Variants in SCAPER observed in about 807,000 individuals in gnomAD.
SCAPER encodes the protein S-phase cyclin A associated protein in the ER.
A neutral mutation model predicts 182.2 loss-of-function variants in SCAPER; 98 were observed. That is an observed-to-expected ratio of 0.54 (90% confidence interval 0.46 to 0.64). The LOEUF is 0.64. SCAPER is among the 30% of genes least tolerant of loss of function. SCAPER has a pLI of 0.00. For synonymous variants in SCAPER, 605 were observed against 564.6 expected, an observed-to-expected ratio of 1.07 and a Z score of -1.01; for missense variants, 1,432 against 1,690.0, an observed-to-expected ratio of 0.85 and a Z score of 2.68.
chr15:76,704,438 G>A (rs1389028178), intron 18 of SCAPER, among the ~76,000 whole-genome samples: 1 of 152,144 alleles, frequency 6.6e-6, no homozygotes, highest in African/African-American at 2.4e-5. Flanking sequence ...TTTTCTTCTA[G>A]GGTTTTTACC....
chr15:76,871,880 C>G lies in SCAPER; in HGVS notation c.7-9347G>C, dbSNP rs75359551. On this transcript the variant is annotated intron_variant, in intron 2 of 31. Coordinates refer to ENST00000563290, the MANE Select transcript of SCAPER (RefSeq NM_020843.4). ...TGCTAGGATTACAGGTGTGAGCCAC[C>G]ACGCCTGGCACAATTTGCATTTTTA... Among the ~76,000 whole-genome samples, 60 of 152,162 alleles carry G rather than the reference C, an allele frequency of 3.9e-4. No individual in the cohort carries two copies. In the East Asian group the frequency reaches 9.1e-3, roughly 23 times the overall value.
At chr15:76,392,836 C>T (rs1242483482) in intron 27 of SCAPER, among the ~76,000 whole-genome samples, 1 of 152,196 alleles carries the variant, frequency 6.6e-6, no homozygotes, top group Non-Finnish European at 1.5e-5. Flanking sequence ...CCTGCCTTCT[C>T]AGTCTCCTAG....
At chr15:76,400,576 A>T (rs2044388307) in intron 27 of SCAPER, among the ~76,000 whole-genome samples, 1 of 152,200 alleles carries the variant, frequency 6.6e-6, no homozygotes, top group Non-Finnish European at 1.5e-5. Flanking sequence ...GTGTTCAGGA[A>T]ATGTTGGGAG....
intron 17 of SCAPER, among the ~76,000 whole-genome samples, chr15:76,720,889 G>T (rs1357617254): frequency 6.6e-6 from 1 of 152,158 alleles, no homozygotes; most frequent in Non-Finnish European, 1.5e-5. Flanking sequence ...TGTTCACTCT[G>T]ATGGTGGTTT....
At chr15:76,390,111 T>C (rs573258925) in intron 27 of SCAPER, among the ~76,000 whole-genome samples, 1 of 152,242 alleles carries the variant, frequency 6.6e-6, no homozygotes, top group East Asian at 1.9e-4. Context: ...CATATGCTAC[T>C]ACACCTGGTT....
At chr15:76,696,516 G>C (rs1022461877) in intron 20 of SCAPER, among the ~76,000 whole-genome samples, 3 of 151,864 alleles carry the variant, frequency 2.0e-5, no homozygotes, top group Non-Finnish European at 4.4e-5. Context: ...GTAACAAACA[G>C]AGCTTGTACA....
chr15:76,514,773 T>C (rs1287921067), intron 23 of SCAPER, among the ~76,000 whole-genome samples: 1 of 152,144 alleles, frequency 6.6e-6, no homozygotes, highest in Non-Finnish European at 1.5e-5. Context: ...AAGTGAAAAT[T>C]TTTATGGTCG....
At chr15:76,624,246 G>A (rs2052369695) in intron 21 of SCAPER, among the ~76,000 whole-genome samples, 2 of 152,102 alleles carry the variant, frequency 1.3e-5, no homozygotes, top group Non-Finnish European at 2.9e-5. Context: ...TCTATACACC[G>A]ATAACATTGA....
At chr15:76,773,967 T>C (rs2063607740) in intron 9 of SCAPER, among the ~76,000 whole-genome samples, 1 of 151,802 alleles carries the variant, frequency 6.6e-6, no homozygotes, top group African/African-American at 2.4e-5. Context: ...AACTAGTTCA[T>C]CAAATAAGTA....
At chr15:76,885,148 AATTAT>A (rs1466672994) in intron 1 of SCAPER, among the ~76,000 whole-genome samples, 2 of 152,230 alleles carry the variant, frequency 1.3e-5, no homozygotes, top group African/African-American at 4.8e-5. Flanking sequence ...TAAATGGGGA[AATTAT>A]ATTGTAAATG....
In SCAPER at chr15:76,853,745, G is replaced by A. The variant is rs191713804; in HGVS notation, c.195+4064C>T. On this transcript the variant is annotated intron_variant, in intron 4 of 31. Coordinates refer to ENST00000563290, the MANE Select transcript of SCAPER (RefSeq NM_020843.4). ...GGGAACAGCTGGAAGCATCTCCCCT[G>A]AAAACTGGCATAAGACAAAGATGCC... 8.5e-5 allele frequency among the ~76,000 whole-genome samples: 13 copies of A among 152,312 alleles called. No individual in the cohort carries two copies. In the East Asian group the frequency reaches 1.3e-3, roughly 16 times the overall value.
chr15:76,689,694 A>G (rs1028635852), intron 20 of SCAPER, among the ~76,000 whole-genome samples: 6 of 151,832 alleles, frequency 4.0e-5, no homozygotes, highest in African/African-American at 1.4e-4. Context: ...TTGAAAACAA[A>G]AAAAAAAACA....
chr15:76,437,908 C>G (rs1361839596), intron 25 of SCAPER, among the ~76,000 whole-genome samples: 1 of 152,172 alleles, frequency 6.6e-6, no homozygotes, highest in Non-Finnish European at 1.5e-5. Flanking sequence ...AGGCTTTTGT[C>G]CAGACCCTAA....
chr15:76,770,595 C>G (rs547125974), intron 10 of SCAPER, among the ~76,000 whole-genome samples: 2 of 152,160 alleles, frequency 1.3e-5, no homozygotes, highest in South Asian at 4.1e-4. Flanking sequence ...GGGTTTATGA[C>G]TCTGCAAGTT....
intron 27 of SCAPER, among the ~76,000 whole-genome samples, chr15:76,399,834 A>G (rs1215704346): frequency 2.0e-5 from 3 of 151,894 alleles, no homozygotes; most frequent in Non-Finnish European, 4.4e-5. Context: ...GTGAAACTCC[A>G]TCTCTACTAA....
chr15:76,790,490 T>C (rs1228276479), intron 8 of SCAPER, among the ~76,000 whole-genome samples: 1 of 152,234 alleles, frequency 6.6e-6, no homozygotes, highest in African/African-American at 2.4e-5. Context: ...TTCTAAGTTC[T>C]CTTCAAGTTT....
intron 17 of SCAPER, among the ~76,000 whole-genome samples, chr15:76,725,059 G>T (rs1217124493): frequency 6.6e-6 from 1 of 151,792 alleles, no homozygotes; most frequent in African/African-American, 2.4e-5. Context: ...TTCCTATTCG[G>T]TCATCTTCTC....
At chr15:76,575,149 C>G (rs1314342420) in intron 22 of SCAPER, among the ~76,000 whole-genome samples, 1 of 152,150 alleles carries the variant, frequency 6.6e-6, no homozygotes, top group African/African-American at 2.4e-5. Context: ...GGGCTAGGCA[C>G]CATTCTCAAT....
At chr15:76,397,491 T>TG (rs2142074034) in intron 27 of SCAPER, among the ~76,000 whole-genome samples, 1 of 144,748 alleles carries the variant, frequency 6.9e-6, no homozygotes, top group South Asian at 2.2e-4. Context: ...TTTTTTTTTT[T>TG]TTTTTTGAGA....
Sources: gnomAD v4.1 joint callset for allele counts (sites outside exome capture counted in the v4.1 genomes callset) on GRCh38, gnomAD v4.1.1 for gene constraint, MANE v1.5 for transcripts, NCBI Gene and HGNC (gene_info 2026-07-23, HGNC 2026-07-21) for gene names.